Variants in NTRK2 observed in about 807,000 individuals in gnomAD.
NTRK2 encodes neurotrophic receptor tyrosine kinase 2.
In NTRK2, 13 loss-of-function variants were observed where a neutral mutation model predicts 94.5. That is an observed-to-expected ratio of 0.14 (90% CI 0.09 to 0.22). The LOEUF (loss-of-function observed/expected upper bound fraction) is 0.22. Ranked by LOEUF, NTRK2 falls within the 10% of genes least tolerant of loss-of-function variation. NTRK2 has a pLI of 1.00. For missense variants in NTRK2, 639 were observed against 1,071.2 expected (o/e 0.60, Z 5.63); for synonymous variants, 372 against 407.4 (o/e 0.91, Z 1.05).
At chr9:84,692,460 C>CTTTTTTTTTTTTTT (rs1175762583) in intron 2 of NTRK2, among the ~76,000 whole-genome samples, 1 of 122,076 alleles carries the variant, frequency 8.2e-6, no homozygotes, top group Non-Finnish European at 1.7e-5. Flanking sequence ...TCTTTTTTTT[C>CTTTTTTTTTTTTTT]TTTTTTTCTT....
chr9:84,893,238 A>G (rs940937788), intron 14 of NTRK2, among the ~76,000 whole-genome samples: 1 of 152,172 alleles, frequency 6.6e-6, no homozygotes, highest in Non-Finnish European at 1.5e-5. Flanking sequence ...TAAACCATAG[A>G]TTCATTTTGC....
At chr9:84,734,638 A>G (rs1327077494) in intron 9 of NTRK2, among the ~76,000 whole-genome samples, 1 of 152,178 alleles carries the variant, frequency 6.6e-6, no homozygotes, top group Non-Finnish European at 1.5e-5. Context: ...ATGACAGTGA[A>G]TAAGTCTTAT....
chr9:84,747,293 G>A (rs892201451), intron 11 of NTRK2, among the ~76,000 whole-genome samples: 3 of 152,024 alleles, frequency 2.0e-5, no homozygotes, highest in Non-Finnish European at 1.5e-5. Flanking sequence ...AAATACCATG[G>A]TAAGTCAACT....
At chr9:84,929,408 T>C (rs1468850735) in intron 14 of NTRK2, among the ~76,000 whole-genome samples, 1 of 152,182 alleles carries the variant, frequency 6.6e-6, no homozygotes, top group Non-Finnish European at 1.5e-5. Flanking sequence ...AGTTTGGTGG[T>C]GTATTTCCTA....
rs183107760 is a variant in NTRK2 at position 84,671,198 on chromosome 9, A to G, written c.212+238A>G. Among the ~76,000 whole-genome samples the G allele has an allele frequency of 1.1e-3, 163 of 152,314 alleles. 1 individual carries two copies. Among genetic ancestry groups the G allele is most frequent in the African/African-American group, 3.6e-3 (151 of 41,580 alleles). On this transcript the variant is annotated intron_variant, in intron 2 of 18. Coordinates refer to ENST00000277120, the MANE Select transcript of NTRK2 (RefSeq NM_006180.6). ...ATATAGATATACATATGCCGATTAT[A>G]TATTTATTCCTCGTGGGAAGGAACT...
chr9:84,771,141 C>A (rs528205497), intron 12 of NTRK2, among the ~76,000 whole-genome samples: 1 of 152,018 alleles, frequency 6.6e-6, no homozygotes, highest in African/African-American at 2.4e-5. Context: ...GACTTTTGTG[C>A]GATGTTTGAC....
intron 12 of NTRK2, among the ~76,000 whole-genome samples, chr9:84,841,804 C>T (rs1044114362): frequency 3.3e-5 from 5 of 152,196 alleles, no homozygotes; most frequent in African/African-American, 9.7e-5. Flanking sequence ...GCTACATTCA[C>T]GGCAGAAATT....
chr9:84,862,030 C>A (rs1282644313), intron 13 of NTRK2, among the ~76,000 whole-genome samples: 1 of 152,182 alleles, frequency 6.6e-6, no homozygotes. Context: ...CACTGTCTGT[C>A]CAGTGATCCA....
chr9:84,841,759 G>A (rs1043121894), intron 12 of NTRK2, among the ~76,000 whole-genome samples: 8 of 152,150 alleles, frequency 5.3e-5, no homozygotes, highest in East Asian at 1.9e-4. Flanking sequence ...CCTTGTTGTC[G>A]TTGGTAATTC....
chr9:84,724,130 C>A, intron 7 of NTRK2, 94 bp from the exon 8 acceptor site: 2 of 1,281,186 alleles, frequency 1.6e-6, no homozygotes, highest in Non-Finnish European at 2.3e-6. Flanking sequence ...GCTATATATA[C>A]ATATTTTCTC....
At chr9:84,942,365 A>T (rs1320163239) in intron 15 of NTRK2, among the ~76,000 whole-genome samples, 1 of 152,264 alleles carries the variant, frequency 6.6e-6, no homozygotes, top group East Asian at 1.9e-4. Context: ...TTCATGCAGC[A>T]TGCAGCATTA....
In NTRK2 at chr9:84,987,475, T is replaced by A. The variant is rs916410651; in HGVS notation, c.2172+31958T>A. ...CTTCCCTCTATTACTTAAAACTTCA[T>A]CCCTTACTTTTCCTTTTCTTTATAT... On this transcript the variant is annotated intron_variant, in intron 17 of 18. Transcript: ENST00000277120. 3.9e-5 allele frequency among the ~76,000 whole-genome samples: 6 copies of A among 152,336 alleles called. No homozygotes were observed. The South Asian group carries it at 1.2e-3, about 32-fold the overall frequency.
chr9:84,955,265 C>T lies in NTRK2; in HGVS notation c.1938-18C>T, dbSNP rs936646040. 1 of 1,578,964 alleles carries T rather than the reference C, an allele frequency of 6.3e-7. No individual in the cohort carries two copies. Among genetic ancestry groups the T allele is most frequent in the Non-Finnish European group, 8.6e-7 (1 of 1,161,334 alleles). On this transcript the variant is annotated intron_variant, in intron 16 of 18. Transcript: ENST00000277120. Reference sequence around the variant, plus strand: ...AAATGCTGAGGCCCCCAGCTTCATTCTCCATGTCCTTCCCCAGGGCACACG... The same window carrying T: ...AAATGCTGAGGCCCCCAGCTTCATTTTCCATGTCCTTCCCCAGGGCACACG...
At chr9:84,837,971 C>T (rs1244051913) in intron 12 of NTRK2, among the ~76,000 whole-genome samples, 1 of 151,974 alleles carries the variant, frequency 6.6e-6, no homozygotes, top group Non-Finnish European at 1.5e-5. Flanking sequence ...TGGCATAAGA[C>T]ATGAAATGGT....
intron 12 of NTRK2, among the ~76,000 whole-genome samples, chr9:84,754,998 A>G (rs2064956729): frequency 1.3e-5 from 2 of 152,176 alleles, no homozygotes; most frequent in African/African-American, 2.4e-5. Flanking sequence ...TCTTAAGGTC[A>G]CCACACTACA....
chr9:84,830,060 C>T (rs950084724), intron 12 of NTRK2, among the ~76,000 whole-genome samples: 18 of 152,190 alleles, frequency 1.2e-4, no homozygotes, highest in African/African-American at 3.9e-4. Context: ...CTATGGTGGA[C>T]ATCTATCACC....
intron 6 of NTRK2, among the ~76,000 whole-genome samples, chr9:84,723,176 A>T (rs2062192181): frequency 6.6e-6 from 1 of 152,196 alleles, no homozygotes; most frequent in Non-Finnish European, 1.5e-5. Flanking sequence ...ATTAGTAAAA[A>T]ATGGGGGGTA....
At chr9:84,937,494 G>A (rs998141379) in intron 15 of NTRK2, among the ~76,000 whole-genome samples, 2 of 152,182 alleles carry the variant, frequency 1.3e-5, no homozygotes, top group Admixed American at 6.5e-5. Context: ...ATTTAGGGTG[G>A]AAGTGATCCT....
rs377296353 is a variant in NTRK2, at chr9:84,725,784, G to A, written c.853+1428G>A. On this transcript the variant is annotated intron_variant, in intron 8 of 18. Coordinates refer to ENST00000277120, the MANE Select transcript of NTRK2 (RefSeq NM_006180.6). ...GTTTTCCAAAGACTATTTTAAGGAG[G>A]CCTGTGAGAGATATTTGGTAAAGCA... Among the ~76,000 whole-genome samples, 118 of 152,030 alleles carry A rather than the reference G, an allele frequency of 7.8e-4. 4 individuals are homozygous for A. In the South Asian group the frequency reaches 0.022, roughly 29 times the overall value.
Sources: gnomAD v4.1 joint callset for allele counts (sites outside exome capture counted in the v4.1 genomes callset) on GRCh38, gnomAD v4.1.1 for gene constraint, MANE v1.5 for transcripts, NCBI Gene and HGNC (gene_info 2026-07-23, HGNC 2026-07-21) for gene names.